The following TAFA1 variants were observed in gnomAD, a reference collection of about 807,000 sequenced individuals.
TAFA1 encodes the protein TAFA chemokine like family member 1, also known as chemokine-like protein TAFA-1.
TAFA1 carries 4 observed loss-of-function variants against 18.5 expected under a neutral mutation model. The observed-to-expected ratio is 0.22, with a 90% CI of 0.11 to 0.49. TAFA1 has a LOEUF of 0.49. Ranked by LOEUF, TAFA1 falls within the 20% of genes least tolerant of loss-of-function variation. The probability of loss-of-function intolerance (pLI) is 0.98; values close to 1 mark genes in which losing one functional copy is unlikely to be tolerated. For missense variants in TAFA1, 147 were observed against 169.0 expected, an observed-to-expected ratio of 0.87 and a Z score of 0.72; for synonymous variants, 56 against 55.2, an observed-to-expected ratio of 1.01 and a Z score of -0.06.
intron 2 of TAFA1, among the ~76,000 whole-genome samples, chr3:68,207,516 C>T (rs1197540097): frequency 1.3e-5 from 2 of 151,834 alleles, no homozygotes; most frequent in African/African-American, 2.4e-5. Flanking sequence ...TGTCAGTTCG[C>T]AGAGCCCCAC....
intron 3 of TAFA1, among the ~76,000 whole-genome samples, chr3:68,463,270 A>G (rs912397871): frequency 1.3e-5 from 2 of 152,186 alleles, no homozygotes; most frequent in East Asian, 1.9e-4. Context: ...CTCTATGGAT[A>G]TAATCAATAG....
At chr3:68,522,968 C>T (rs1413800440) in intron 3 of TAFA1, among the ~76,000 whole-genome samples, 10 of 152,196 alleles carry the variant, frequency 6.6e-5, no homozygotes, top group Admixed American at 6.5e-4. Flanking sequence ...CTCAGCTACT[C>T]AGGAGGCTGA....
At chr3:68,322,390 T>C (rs981552181) in intron 2 of TAFA1, among the ~76,000 whole-genome samples, 3 of 152,252 alleles carry the variant, frequency 2.0e-5, no homozygotes, top group Non-Finnish European at 4.4e-5. Flanking sequence ...GGAAGACACA[T>C]ACTTCACTCA....
intron 2 of TAFA1, among the ~76,000 whole-genome samples, chr3:68,223,744 A>G (rs35337788): frequency 0.32 from 48,956 of 151,880 alleles, 8,716 homozygotes; most frequent in Non-Finnish European, 0.39. Context: ...GTGGCTATGT[A>G]TTCAGGGCCA....
chr3:68,265,761 G>A (rs891104799), intron 2 of TAFA1, among the ~76,000 whole-genome samples: 4 of 152,152 alleles, frequency 2.6e-5, no homozygotes, highest in Admixed American at 1.3e-4. Flanking sequence ...GAACTGTTGC[G>A]TACTGCAGAA....
At chr3:68,500,314 G>A (rs940522712) in intron 3 of TAFA1, among the ~76,000 whole-genome samples, 3 of 152,052 alleles carry the variant, frequency 2.0e-5, no homozygotes, top group Admixed American at 2.0e-4. Flanking sequence ...CGATACTTTT[G>A]TAAAATACAA....
At chr3:68,226,487 C>A (rs1334181133) in intron 2 of TAFA1, among the ~76,000 whole-genome samples, 2 of 152,114 alleles carry the variant, frequency 1.3e-5, no homozygotes, top group Non-Finnish European at 2.9e-5. Flanking sequence ...GTCTGTCATG[C>A]CTTTTGGTGA....
chr3:68,120,246 TTTC>T (rs2065381955), intron 2 of TAFA1, among the ~76,000 whole-genome samples: 1 of 119,980 alleles, frequency 8.3e-6, no homozygotes, highest in Non-Finnish European at 1.8e-5. Flanking sequence ...TCTTTCTTTC[TTTC>T]TTTCTTTCTT....
At chr3:68,157,494 TAC>T (rs2065879130) in intron 2 of TAFA1, among the ~76,000 whole-genome samples, 1 of 152,132 alleles carries the variant, frequency 6.6e-6, no homozygotes, top group Non-Finnish European at 1.5e-5. Flanking sequence ...GGAAAAAAAA[TAC>T]AGTTTTATTT....
At chr3:68,065,444 T>C (rs917900516) in intron 2 of TAFA1, among the ~76,000 whole-genome samples, 1 of 152,164 alleles carries the variant, frequency 6.6e-6, no homozygotes, top group Non-Finnish European at 1.5e-5. Context: ...CAAGGGCACG[T>C]AATGAACGAC....
At chr3:68,060,869 C>G (rs1007582189) in intron 2 of TAFA1, among the ~76,000 whole-genome samples, 1 of 152,102 alleles carries the variant, frequency 6.6e-6, no homozygotes, top group Non-Finnish European at 1.5e-5. Flanking sequence ...AGTGGTTAGG[C>G]GCTATATAAT....
chr3:68,143,361 A>G (rs536826234), intron 2 of TAFA1, among the ~76,000 whole-genome samples: 2 of 152,194 alleles, frequency 1.3e-5, no homozygotes, highest in Non-Finnish European at 2.9e-5. Flanking sequence ...ATTCTGAATC[A>G]TAAGAAATTT....
At chr3:68,200,667 G>T (rs1049934697) in intron 2 of TAFA1, among the ~76,000 whole-genome samples, 2 of 151,588 alleles carry the variant, frequency 1.3e-5, no homozygotes, top group African/African-American at 4.8e-5. Flanking sequence ...CATGGGATCT[G>T]TAGCATGTAC....
At chr3:68,498,276 A>AATTATTAT (rs2072587629) in intron 3 of TAFA1, among the ~76,000 whole-genome samples, 1 of 152,160 alleles carries the variant, frequency 6.6e-6, no homozygotes, top group African/African-American at 2.4e-5. Flanking sequence ...AGTCCTCAAT[A>AATTATTAT]ATTATTATAT....
chr3:68,100,803 T>A (rs563898129), intron 2 of TAFA1, among the ~76,000 whole-genome samples: 1 of 152,238 alleles, frequency 6.6e-6, no homozygotes, highest in Admixed American at 6.5e-5. Context: ...TTAAGAATCC[T>A]CCAGCCTAGG....
At chr3:68,272,184 C>T (rs1445038390) in intron 2 of TAFA1, among the ~76,000 whole-genome samples, 1 of 152,120 alleles carries the variant, frequency 6.6e-6, no homozygotes, top group Non-Finnish European at 1.5e-5. Flanking sequence ...TAATAAAACA[C>T]AATCCTCTGG....
At chr3:68,323,270 A>G (rs1363777751) in intron 2 of TAFA1, among the ~76,000 whole-genome samples, 1 of 152,194 alleles carries the variant, frequency 6.6e-6, no homozygotes, top group Non-Finnish European at 1.5e-5. Context: ...AGCCACCTGT[A>G]CAATACATTA....
chr3:68,164,309 A>G (rs1204730821), intron 2 of TAFA1, among the ~76,000 whole-genome samples: 1 of 152,184 alleles, frequency 6.6e-6, no homozygotes, highest in African/African-American at 2.4e-5. Flanking sequence ...AATGTACATG[A>G]ACTATTGTGG....
chr3:68,139,926 G>A (rs1474498352), intron 2 of TAFA1, among the ~76,000 whole-genome samples: 2 of 152,128 alleles, frequency 1.3e-5, no homozygotes, highest in Admixed American at 6.5e-5. Context: ...AACCTGTTTT[G>A]TTATCGACAA....
Sources: allele counts gnomAD v4.1 joint callset (sites outside exome capture counted in the v4.1 genomes callset), GRCh38; gene constraint gnomAD v4.1.1; transcripts MANE v1.5; gene names NCBI Gene and HGNC (gene_info 2026-07-23, HGNC 2026-07-21).